EXPH5: variants seen among roughly 807,000 people sequenced by gnomAD.
The protein encoded by EXPH5 is exophilin-5.
A neutral mutation model predicts 41.1 loss-of-function variants in EXPH5; 42 were observed. That is an observed-to-expected ratio of 1.02 (90% confidence interval 0.80 to 1.32). The LOEUF (loss-of-function observed/expected upper bound fraction) is 1.32, where lower values mean the gene tolerates loss of function less well. Among genes scored for constraint, EXPH5 ranks in the 40% most tolerant of loss-of-function variants. The pLI, the probability that EXPH5 is intolerant of heterozygous loss-of-function variation, is 0.00. For missense variants in EXPH5, 2,298 were observed against 2,314.5 expected, an observed-to-expected ratio of 0.99 and a Z score of 0.15; for synonymous variants, 798 against 833.5, an observed-to-expected ratio of 0.96 and a Z score of 0.73.
chr11:108,511,173 C>T lies in EXPH5; in HGVS notation c.4334G>A (p.Trp1445Ter). The change falls in exon 6 of 6, where the codon TGG becomes TAG. Residue 1445 changes from tryptophan to a stop codon, truncating the protein, a stop_gained. Transcript: ENST00000265843. LOFTEE classifies it low-confidence loss of function (END_TRUNC). ...IGNSQTRRSS[W>*]ECTGSGRAIP... ...GGCTCTACCACTCCCTGTACACTCC[C>T]AAGAACTTCTTCTAGTTTGGGAATT... 3 of 1,612,986 alleles carry T rather than the reference C, an allele frequency of 1.9e-6. No homozygotes were observed. The East Asian group carries it at 6.7e-5, about 36-fold the overall frequency.
intron 1 of EXPH5, among the ~76,000 whole-genome samples, chr11:108,587,463 G>A (rs1252867715): frequency 6.6e-6 from 1 of 152,150 alleles, no homozygotes; most frequent in African/African-American, 2.4e-5. Flanking sequence ...ATTGAGTACC[G>A]AAGTGTGTGA....
At chr11:108,590,757 C>T (rs2094125580) in intron 1 of EXPH5, among the ~76,000 whole-genome samples, 1 of 152,160 alleles carries the variant, frequency 6.6e-6, no homozygotes, top group Admixed American at 6.5e-5. Context: ...AGGGATCCTC[C>T]CACCTGAGCC....
chr11:108,579,394 G>T (rs1020511176), intron 1 of EXPH5, among the ~76,000 whole-genome samples: 2 of 151,986 alleles, frequency 1.3e-5, no homozygotes, highest in Non-Finnish European at 2.9e-5. Flanking sequence ...CCATTTTAAC[G>T]TGTTGTTGAA....
At chr11:108,585,226 T>A (rs1181751876) in intron 1 of EXPH5, among the ~76,000 whole-genome samples, 47 of 152,108 alleles carry the variant, frequency 3.1e-4, no homozygotes, top group Admixed American at 3.1e-3. Context: ...ATTAGAATGG[T>A]TAAAATAAAA....
the EXPH5 span, among the ~76,000 whole-genome samples, chr11:108,600,577 C>A: frequency 1.3e-5 from 2 of 152,102 alleles, no homozygotes; most frequent in Non-Finnish European, 2.9e-5. Flanking sequence ...AATTCATTAT[C>A]AGGACCTACT....
At chr11:108,574,238 G>A (rs2094072633) in intron 1 of EXPH5, among the ~76,000 whole-genome samples, 1 of 151,996 alleles carries the variant, frequency 6.6e-6, no homozygotes, top group Non-Finnish European at 1.5e-5. Context: ...AATTAGCTGG[G>A]TGTGGTGGTG....
At chr11:108,601,223 C>T in the EXPH5 span, among the ~76,000 whole-genome samples, 1 of 152,134 alleles carries the variant, frequency 6.6e-6, no homozygotes. Flanking sequence ...TCAAAATATG[C>T]CAGTGCTTTA....
In EXPH5 at chr11:108,545,716, A is replaced by G. The variant is rs145954874; in HGVS notation, c.120-3904T>C. Among the ~76,000 whole-genome samples the G allele has an allele frequency of 3.0e-3, 458 of 152,238 alleles. 1 individual carries two copies. The highest frequency in any genetic ancestry group is 0.01 in the African/African-American group (419 of 41,554). On this transcript the variant is annotated intron_variant, in intron 1 of 5. Transcript: ENST00000265843. ...CCAGGAGTGAGAGACCAGCCTGGCC[A>G]ACATAGCGAAAACCCACTTCTACAA...
chr11:108,566,008 T>C (rs2094033049), intron 1 of EXPH5, among the ~76,000 whole-genome samples: 1 of 152,214 alleles, frequency 6.6e-6, no homozygotes, highest in South Asian at 2.1e-4. Flanking sequence ...TAATGAGCAC[T>C]TAAATGTGTA....
At chr11:108,605,566 CT>C in the EXPH5 span, among the ~76,000 whole-genome samples, 1 of 152,164 alleles carries the variant, frequency 6.6e-6, no homozygotes, top group African/African-American at 2.4e-5. Context: ...GACAGCCCCC[CT>C]CCTACGCCCA....
intron 1 of EXPH5, among the ~76,000 whole-genome samples, chr11:108,557,455 T>G (rs570006099): frequency 1.3e-5 from 2 of 152,332 alleles, no homozygotes; most frequent in Admixed American, 1.3e-4. Context: ...GGAATTCTCG[T>G]GTCTCAGCCT....
rs577303444 is a variant in EXPH5, at chr11:108,510,022, C to T, written c.5485G>A (p.Ala1829Thr). ...HFSESTSIDNALSRLTLGNEF... is the reference protein window; with the variant it reads ...HFSESTSIDNTLSRLTLGNEF... ...TTCCCAAGGGTCAGTCGACTCAGGG[C>T]ATTGTCAATAGAAGTGCTTTCAGAA... Residue 1829 changes from alanine to threonine, a missense_variant, in exon 6 of 6, where the codon GCC becomes ACC. Coordinates refer to ENST00000265843, the MANE Select transcript of EXPH5 (RefSeq NM_015065.3). 3 of 1,613,492 alleles carry T rather than the reference C, an allele frequency of 1.9e-6. No individual in the cohort carries two copies. The East Asian group carries it at 6.7e-5, about 36-fold the overall frequency.
intron 4 of EXPH5, among the ~76,000 whole-genome samples, chr11:108,527,563 A>G (rs1187024399): frequency 6.6e-6 from 1 of 152,232 alleles, no homozygotes; most frequent in Non-Finnish European, 1.5e-5. Context: ...GTTACACAGG[A>G]AGACACAGGA....
Position 108,510,475 on chromosome 11 carries a change from G to C in EXPH5, c.5032C>G (p.Leu1678Val). 6.2e-7 allele frequency: 1 copy of C among 1,614,158 alleles called. No homozygotes were observed. The highest frequency in any genetic ancestry group is 1.1e-5 in the South Asian group (1 of 91,070). ...KSENLLPITV[L>V]PNREPSTHVS... ...TGTGTAGAAGGTTCTCTGTTGGGTA[G>C]TACAGTAATGGGGAGAAGGTTCTCG... is the stretch of plus-strand genomic sequence containing the variant. Residue 1678 changes from leucine to valine, a missense_variant, in exon 6 of 6, where the codon CTA (leucine) becomes GTA (valine). Transcript: ENST00000265843.
chr11:108,558,282 G>GT (rs1226098889), intron 1 of EXPH5, among the ~76,000 whole-genome samples: 6 of 152,094 alleles, frequency 3.9e-5, no homozygotes, highest in African/African-American at 1.4e-4. Flanking sequence ...TACAGACAGG[G>GT]TCTCACTATG....
intron 1 of EXPH5, among the ~76,000 whole-genome samples, chr11:108,548,224 T>A (rs1186440035): frequency 1.1e-5 from 1 of 91,822 alleles, no homozygotes; most frequent in Non-Finnish European, 2.9e-5. Flanking sequence ...TAAGAAAGTT[T>A]TTGACTTTTT....
Position 108,593,429 on chromosome 11 carries a change from C to T in EXPH5, c.108G>A (p.Lys36=). 1 of 1,613,804 alleles carries T rather than the reference C, an allele frequency of 6.2e-7. No individual in the cohort carries two copies. The highest frequency in any genetic ancestry group is 1.1e-5 in the South Asian group (1 of 91,072). ...AATTTGCTCTGTACCTGATCCTGTCCTTCTCGGCCCTCTGTAACTCCTCAT... is the reference window on the plus strand; with the variant it reads ...AATTTGCTCTGTACCTGATCCTGTCTTTCTCGGCCCTCTGTAACTCCTCAT... ...ERNEELQRAE[K]DRISKLQKTK... Residue 36 remains lysine (K), a synonymous_variant, in exon 1 of 6, where the codon AAG becomes AAA. Transcript: ENST00000265843.
intron 1 of EXPH5, among the ~76,000 whole-genome samples, chr11:108,552,601 T>C (rs1591729529): frequency 6.6e-6 from 1 of 152,152 alleles, no homozygotes; most frequent in Non-Finnish European, 1.5e-5. Context: ...TACTCTACGA[T>C]AAAAAGCAAT....
At chr11:108,569,381 G>C (rs184536426) in intron 1 of EXPH5, among the ~76,000 whole-genome samples, 2 of 151,960 alleles carry the variant, frequency 1.3e-5, no homozygotes, top group East Asian at 3.9e-4. Flanking sequence ...TCTCTGTCAC[G>C]CAAGCTGGAG....
Sources: allele counts gnomAD v4.1 joint callset (sites outside exome capture counted in the v4.1 genomes callset), GRCh38; gene constraint gnomAD v4.1.1; transcripts MANE v1.5; gene names NCBI Gene and HGNC (gene_info 2026-07-23, HGNC 2026-07-21).